The following ASH2L variants were observed in gnomAD, a reference collection of about 807,000 sequenced individuals.
ASH2L encodes set1/Ash2 histone methyltransferase complex subunit ASH2.
Under a neutral mutation model 81.1 loss-of-function variants are expected in ASH2L, and 30 were observed. That is an observed-to-expected ratio of 0.37 (90% confidence interval 0.28 to 0.50). ASH2L has a LOEUF of 0.50. Among genes scored for constraint, ASH2L ranks in the 20% least tolerant of loss-of-function variants. ASH2L has a pLI of 0.95. For synonymous variants in ASH2L, 273 were observed against 279.9 expected (o/e 0.98, Z 0.24); for missense variants, 559 against 792.1 (o/e 0.71, Z 3.53).
chr8:38,125,560 A>G (rs1457833235), intron 10 of ASH2L, among the ~76,000 whole-genome samples: 1 of 150,514 alleles, frequency 6.6e-6, no homozygotes, highest in East Asian at 1.9e-4. Context: ...GTGAGCCGAG[A>G]TCGCGCCATT....
At chr8:38,106,670 G>C (rs1254702604) in intron 2 of ASH2L, among the ~76,000 whole-genome samples, 3 of 151,746 alleles carry the variant, frequency 2.0e-5, no homozygotes, top group Admixed American at 2.0e-4. Flanking sequence ...AACACACCTG[G>C]CTTCTTTTTT....
intron 12 of ASH2L, among the ~76,000 whole-genome samples, chr8:38,130,832 G>A (rs1278266195): frequency 3.3e-5 from 5 of 151,276 alleles, no homozygotes; most frequent in South Asian, 2.1e-4. Flanking sequence ...CTCCCGCCTC[G>A]GCCTCCCAAA....
intron 10 of ASH2L, among the ~76,000 whole-genome samples, chr8:38,122,106 ATTTAC>A (rs1801653287): frequency 6.6e-6 from 1 of 151,952 alleles, no homozygotes; most frequent in Non-Finnish European, 1.5e-5. Context: ...ACTCATATAT[ATTTAC>A]TTTATTTCAG....
rs1811125721 is a variant in ASH2L, at chr8:38,121,152, A to T, written c.1165+3A>T. 4 of 1,611,816 alleles carry T rather than the reference A, an allele frequency of 2.5e-6. No individual in the cohort carries two copies. The highest frequency in any genetic ancestry group is 1.7e-5 in the Admixed American group (1 of 59,860). ...TTTGTTAGCCCTACATGATCGAGGT[A>T]TGTAAAGTATTGGAGATCATATGGA... On this transcript the variant is annotated splice_donor_region_variant and intron_variant, in intron 10 of 15. Coordinates refer to ENST00000343823, the MANE Select transcript of ASH2L (RefSeq NM_004674.5).
chr8:38,118,282 G>C (rs1053902739), intron 8 of ASH2L, among the ~76,000 whole-genome samples: 1 of 152,172 alleles, frequency 6.6e-6, no homozygotes, highest in Non-Finnish European at 1.5e-5. Context: ...TAATTCCCAA[G>C]CTTGCCCCAA....
chr8:38,110,542 A>T, intron 4 of ASH2L, 75 bp downstream of exon 4: 1 of 1,431,802 alleles, frequency 7.0e-7, no homozygotes, highest in South Asian at 1.2e-5. Flanking sequence ...TAGCAGAATC[A>T]GGAGACCTTT....
At chr8:38,110,492 G>C in intron 4 of ASH2L, 25 bp downstream of exon 4, 1 of 1,590,250 alleles carries the variant, frequency 6.3e-7, no homozygotes, top group Non-Finnish European at 8.6e-7. Context: ...TGGAGTATTT[G>C]AAGATGATTA....
chr8:38,136,899 C>G (rs900757597), intron 14 of ASH2L, among the ~76,000 whole-genome samples: 5 of 151,764 alleles, frequency 3.3e-5, no homozygotes, highest in Non-Finnish European at 7.4e-5. Context: ...CAAGACCAGC[C>G]TGGCCAATGT....
chr8:38,105,888 C>T (rs943100660), intron 1 of ASH2L, 150 bp downstream of exon 1: 27 of 1,453,024 alleles, frequency 1.9e-5, no homozygotes, highest in African/African-American at 1.4e-4. Flanking sequence ...GGCCCGTCCC[C>T]TCTCAAGCAT....
chr8:38,110,676 A>G (rs1810645230), intron 4 of ASH2L, 63 bp from the exon 5 acceptor site: 1 of 1,374,184 alleles, frequency 7.3e-7, no homozygotes. Flanking sequence ...CTTATCGAGT[A>G]TTCCCTTGGT....
chr8:38,111,713 A>G (rs1810689788), intron 5 of ASH2L, among the ~76,000 whole-genome samples: 1 of 151,986 alleles, frequency 6.6e-6, no homozygotes, highest in Admixed American at 6.6e-5. Flanking sequence ...AACAGTTAAC[A>G]TTTTGCTACA....
At chr8:38,131,999 C>T (rs1308061364) in intron 12 of ASH2L, among the ~76,000 whole-genome samples, 3 of 152,144 alleles carry the variant, frequency 2.0e-5, no homozygotes, top group Non-Finnish European at 4.4e-5. Flanking sequence ...CAGGCGTGCA[C>T]CACCACGCCC....
chr8:38,128,822 C>G lies in ASH2L; in HGVS notation c.1398C>G (p.Thr466=). 6.2e-7 allele frequency: 1 copy of G among 1,614,094 alleles called. No homozygotes were observed. The highest frequency in any genetic ancestry group is 8.5e-7 in the Non-Finnish European group (1 of 1,180,010). ...ATTCTTGGCGGAGCAAAAAGGGAAC[C>G]AAGTTCCACCAGTCCATTGGCAAAC... ...FSYSWRSKKG[T]KFHQSIGKHY... is the part of the protein sequence containing the mutation. The change falls in exon 12 of 16, where the codon ACC becomes ACG. Residue 466 remains threonine, a synonymous_variant. Coordinates refer to ENST00000343823, the MANE Select transcript of ASH2L (RefSeq NM_004674.5).
intron 5 of ASH2L, among the ~76,000 whole-genome samples, chr8:38,113,296 C>T (rs886097023): frequency 6.6e-6 from 1 of 152,058 alleles, no homozygotes; most frequent in African/African-American, 2.4e-5. Context: ...ATTTCTGACC[C>T]TCAGGTTGTC....
chr8:38,133,217 T>C (rs1389681237), intron 12 of ASH2L, among the ~76,000 whole-genome samples: 1 of 152,250 alleles, frequency 6.6e-6, no homozygotes, highest in Non-Finnish European at 1.5e-5. Flanking sequence ...GTATGTATTA[T>C]GTATTTTCTC....
intron 5 of ASH2L, among the ~76,000 whole-genome samples, chr8:38,113,002 T>C (rs578127954): frequency 3.0e-4 from 46 of 152,172 alleles, no homozygotes; most frequent in African/African-American, 1.1e-3. Context: ...AGTCTGGCTC[T>C]GTCACCCAGG....
At position 38,135,652 on chromosome 8, in the gene ASH2L, A is replaced by G. The variant is rs1450875522; in HGVS notation, c.1621-16A>G. On this transcript the variant is annotated splice_polypyrimidine_tract_variant and intron_variant, in intron 13 of 15. Coordinates refer to ENST00000343823, the MANE Select transcript of ASH2L (RefSeq NM_004674.5). Reference sequence around the variant, plus strand: ...TTTTTTACAGTTCTGAAGTAAAACCATGGTTTTTGTTTCAGATAATATTTT... The same window carrying G: ...TTTTTTACAGTTCTGAAGTAAAACCGTGGTTTTTGTTTCAGATAATATTTT... 10 of 1,565,830 alleles carry G rather than the reference A, an allele frequency of 6.4e-6. No individual in the cohort carries two copies. The highest frequency in any genetic ancestry group is 2.2e-5 in the East Asian group (1 of 44,640).
At chr8:38,131,791 C>A (rs1802068635) in intron 12 of ASH2L, among the ~76,000 whole-genome samples, 1 of 150,984 alleles carries the variant, frequency 6.6e-6, no homozygotes, top group Non-Finnish European at 1.5e-5. Context: ...CAAGACAAAA[C>A]TTATAATATG....
intron 14 of ASH2L, among the ~76,000 whole-genome samples, chr8:38,137,275 G>A (rs945726113): frequency 2.0e-5 from 3 of 151,350 alleles, no homozygotes; most frequent in African/African-American, 4.9e-5. Flanking sequence ...GGCCGGGTGT[G>A]GCGGCTCACA....
Sources: gnomAD v4.1 joint callset for allele counts (sites outside exome capture counted in the v4.1 genomes callset) on GRCh38, gnomAD v4.1.1 for gene constraint, MANE v1.5 for transcripts, NCBI Gene and HGNC (gene_info 2026-07-23, HGNC 2026-07-21) for gene names.